The following SMYD3 variants were observed in gnomAD, a reference collection of about 807,000 sequenced individuals.
SMYD3 encodes the protein SET and MYND domain containing 3.
In SMYD3, 36 loss-of-function variants were observed where a neutral mutation model predicts 57.7. The ratio of observed to expected loss-of-function variants is 0.62; its 90% CI spans 0.48 to 0.82. The LOEUF (loss-of-function observed/expected upper bound fraction) is 0.82, where lower values mean the gene tolerates loss of function less well. SMYD3 is among the 40% of genes least tolerant of loss of function. The pLI is 0.00. For synonymous variants in SMYD3, 211 were observed against 195.0 expected (o/e 1.08, Z -0.68); for missense variants, 515 against 538.8 (o/e 0.96, Z 0.44).
At chr1:246,334,093 A>G (rs57188254) in intron 3 of SMYD3, among the ~76,000 whole-genome samples, 3,357 of 152,256 alleles carry the variant, frequency 0.022, 125 homozygotes, top group African/African-American at 0.076. Context: ...GAGGCTGCAG[A>G]GAAAAGGGAA....
chr1:246,220,958 A>G (rs1163085587), intron 5 of SMYD3, among the ~76,000 whole-genome samples: 3 of 150,496 alleles, frequency 2.0e-5, no homozygotes, highest in Non-Finnish European at 4.4e-5. Context: ...GGAGCAACCC[A>G]CTCTGGGGCC....
Position 246,347,135 on chromosome 1 carries a change from C to CA in SMYD3, c.228+7895dup, listed in dbSNP as rs1029625721. Among the ~76,000 whole-genome samples, 169 of 147,248 alleles carry CA rather than the reference C, an allele frequency of 1.1e-3. 2 individuals are homozygous for CA. In the Middle Eastern group the frequency reaches 0.042, roughly 37 times the overall value. ...AACCACCAACATTAAGAAGCAAAGA[C>CA]AAAAAAAGACTTTATAAAAAAAAAA... On this transcript the variant is annotated intron_variant, in intron 2 of 11. Coordinates refer to ENST00000490107, the MANE Select transcript of SMYD3 (RefSeq NM_001167740.2).
intron 1 of SMYD3, among the ~76,000 whole-genome samples, chr1:246,401,985 G>C (rs1425481851): frequency 6.6e-6 from 1 of 152,226 alleles, no homozygotes; most frequent in Non-Finnish European, 1.5e-5. Context: ...GCCTCCCAAA[G>C]TGCTGGGATT....
At chr1:245,938,436 CGA>C (rs1012572744) in intron 5 of SMYD3, among the ~76,000 whole-genome samples, 3 of 152,054 alleles carry the variant, frequency 2.0e-5, no homozygotes, top group Non-Finnish European at 4.4e-5. Context: ...ACAGATCAGA[CGA>C]GAGAGAGTCA....
At chr1:246,275,320 C>A (rs1374715183) in intron 5 of SMYD3, among the ~76,000 whole-genome samples, 2 of 152,218 alleles carry the variant, frequency 1.3e-5, no homozygotes, top group African/African-American at 4.8e-5. Context: ...TCCTGGCCAA[C>A]AACAAAGATA....
intron 5 of SMYD3, among the ~76,000 whole-genome samples, chr1:246,084,953 A>T (rs2060699755): frequency 6.6e-6 from 1 of 152,220 alleles, no homozygotes; most frequent in Admixed American, 6.5e-5. Flanking sequence ...ATGCGCATTA[A>T]CATTTTGTGA....
chr1:245,910,047 T>A (rs1226991904), intron 8 of SMYD3, among the ~76,000 whole-genome samples: 1 of 152,128 alleles, frequency 6.6e-6, no homozygotes, highest in Non-Finnish European at 1.5e-5. Flanking sequence ...GACAACATGA[T>A]CTTACATCTA....
At chr1:246,288,841 G>A (rs184312052) in intron 5 of SMYD3, among the ~76,000 whole-genome samples, 15 of 152,246 alleles carry the variant, frequency 9.9e-5, no homozygotes, top group African/African-American at 2.2e-4. Context: ...GGCCAGGCAC[G>A]GTGACTCACG....
At chr1:246,259,443 T>A (rs931237245) in intron 5 of SMYD3, among the ~76,000 whole-genome samples, 2 of 152,230 alleles carry the variant, frequency 1.3e-5, no homozygotes, top group African/African-American at 4.8e-5. Context: ...TTTCCCCTGC[T>A]TCCTATGGGT....
At chr1:245,891,114 A>T (rs920093178) in intron 8 of SMYD3, among the ~76,000 whole-genome samples, 1 of 152,232 alleles carries the variant, frequency 6.6e-6, no homozygotes, top group Non-Finnish European at 1.5e-5. Context: ...GTTAATGGGT[A>T]CAAAAATATA....
At chr1:246,320,329 G>A (rs900275893) in intron 5 of SMYD3, among the ~76,000 whole-genome samples, 46 of 152,120 alleles carry the variant, frequency 3.0e-4, no homozygotes, top group African/African-American at 1.0e-3. Context: ...AGCAAGCTCC[G>A]GAGGTCACAT....
chr1:245,832,315 A>C (rs1416909049), intron 10 of SMYD3, among the ~76,000 whole-genome samples: 1 of 152,182 alleles, frequency 6.6e-6, no homozygotes. Context: ...TCCGACATCA[A>C]ATGAACAGGC....
chr1:246,104,362 A>C (rs2147948142), intron 5 of SMYD3, among the ~76,000 whole-genome samples: 1 of 152,384 alleles, frequency 6.6e-6, no homozygotes, highest in Non-Finnish European at 1.5e-5. Flanking sequence ...CAAAGACTAG[A>C]ACGGTGCTAC....
At chr1:245,784,996 T>C (rs1437372894) in intron 10 of SMYD3, among the ~76,000 whole-genome samples, 1 of 151,746 alleles carries the variant, frequency 6.6e-6, no homozygotes, top group Non-Finnish European at 1.5e-5. Flanking sequence ...ATTACAGGCA[T>C]GTACCATCGT....
At chr1:246,427,529 A>AAG (rs1203985528) in intron 1 of SMYD3, among the ~76,000 whole-genome samples, 1 of 141,384 alleles carries the variant, frequency 7.1e-6, no homozygotes, top group East Asian at 2.0e-4. Flanking sequence ...CAAAAAAAAA[A>AAG]AAAATAAAAA....
chr1:245,980,554 T>C (rs1174226314), intron 5 of SMYD3, among the ~76,000 whole-genome samples: 1 of 152,252 alleles, frequency 6.6e-6, no homozygotes, highest in Non-Finnish European at 1.5e-5. Flanking sequence ...GTCTGTTTCC[T>C]TTCTGCTTAT....
At position 245,902,683 on chromosome 1, in the gene SMYD3, C is replaced by T. The variant is rs1440568674; in HGVS notation, c.813+12847G>A. On this transcript the variant is annotated intron_variant, in intron 8 of 11. Coordinates refer to ENST00000490107, the MANE Select transcript of SMYD3 (RefSeq NM_001167740.2). ...GTGTCTCCATCCCCAGCAAAGGTTG[C>T]CCAAGCCTCCACTAACAATCACAGC... Among the ~76,000 whole-genome samples, 3 of 152,218 alleles carry T rather than the reference C, an allele frequency of 2.0e-5. No homozygotes were observed. The East Asian group carries it at 5.8e-4, about 29-fold the overall frequency.
intron 1 of SMYD3, among the ~76,000 whole-genome samples, chr1:246,437,161 A>G (rs2067392546): frequency 6.6e-6 from 1 of 152,144 alleles, no homozygotes; most frequent in African/African-American, 2.4e-5. Flanking sequence ...AGCCTCCCAC[A>G]GTGCTGGGAT....
intron 5 of SMYD3, among the ~76,000 whole-genome samples, chr1:246,097,487 T>C (rs1426843508): frequency 6.6e-6 from 1 of 152,220 alleles, no homozygotes; most frequent in African/African-American, 2.4e-5. Context: ...TGGTTGCCAA[T>C]ATGCGTATAC....
Sources: gnomAD v4.1 joint callset for allele counts (sites outside exome capture counted in the v4.1 genomes callset) on GRCh38, gnomAD v4.1.1 for gene constraint, MANE v1.5 for transcripts, NCBI Gene and HGNC (gene_info 2026-07-23, HGNC 2026-07-21) for gene names.